MTMR7: variants seen among roughly 807,000 people sequenced by gnomAD.
MTMR7 encodes the protein myotubularin related protein 7.
Under a neutral mutation model 81.2 loss-of-function variants are expected in MTMR7, and 76 were observed. The observed-to-expected ratio is 0.94, with a 90% confidence interval of 0.78 to 1.13. The LOEUF (loss-of-function observed/expected upper bound fraction) is 1.13. Ranked by LOEUF, MTMR7 falls within the 50% of genes most tolerant of loss-of-function variation. MTMR7 has a pLI of 0.00. For synonymous variants in MTMR7, 372 were observed against 289.8 expected, an observed-to-expected ratio of 1.28 and a Z score of -2.88; for missense variants, 1,044 against 820.0, an observed-to-expected ratio of 1.27 and a Z score of -3.34.
At chr8:17,401,280 G>A (rs1821422201) in intron 1 of MTMR7, among the ~76,000 whole-genome samples, 1 of 152,094 alleles carries the variant, frequency 6.6e-6, no homozygotes. Flanking sequence ...AAAAGTGTGG[G>A]AGCAAACCAT....
At chr8:17,379,969 G>C (rs1481535282) in intron 1 of MTMR7, among the ~76,000 whole-genome samples, 1 of 152,156 alleles carries the variant, frequency 6.6e-6, no homozygotes, top group East Asian at 1.9e-4. Flanking sequence ...TGAGGGTTTG[G>C]AGGAGGGGAG....
At chr8:17,321,742 T>C (rs758384328) in intron 7 of MTMR7, among the ~76,000 whole-genome samples, 1 of 152,208 alleles carries the variant, frequency 6.6e-6, no homozygotes, top group Non-Finnish European at 1.5e-5. Context: ...ATCAGAGACA[T>C]ATGCCACAAA....
At chr8:17,329,165 C>T (rs181932262) in intron 7 of MTMR7, among the ~76,000 whole-genome samples, 103 of 152,156 alleles carry the variant, frequency 6.8e-4, no homozygotes, top group Admixed American at 1.2e-3. Flanking sequence ...ACCAAGTGAC[C>T]AGTAGTATGA....
chr8:17,328,324 C>T (rs1186815537), intron 7 of MTMR7, among the ~76,000 whole-genome samples: 2 of 152,186 alleles, frequency 1.3e-5, no homozygotes, highest in Non-Finnish European at 2.9e-5. Context: ...TCCTCCCCAA[C>T]ACCCAGGATG....
intron 3 of MTMR7, among the ~76,000 whole-genome samples, chr8:17,367,872 T>C (rs1000305801): frequency 2.6e-5 from 4 of 151,836 alleles, no homozygotes; most frequent in African/African-American, 9.7e-5. Context: ...TTTGGGGTTT[T>C]TTTTTTTTTT....
chr8:17,375,428 T>C (rs1164296833), intron 1 of MTMR7, among the ~76,000 whole-genome samples: 1 of 152,166 alleles, frequency 6.6e-6, no homozygotes, highest in Non-Finnish European at 1.5e-5. Context: ...TGAAAGTCTA[T>C]GTATGTTAAA....
At chr8:17,326,480 G>C (rs1246201580) in intron 7 of MTMR7, 3 of 152,222 alleles carry the variant, frequency 2.0e-5, no homozygotes, top group Non-Finnish European at 4.4e-5. Flanking sequence ...CTGTGAGCTT[G>C]TCTTACATCA....
intron 6 of MTMR7, among the ~76,000 whole-genome samples, chr8:17,337,390 C>G (rs1010173019): frequency 2.0e-5 from 3 of 150,368 alleles, no homozygotes; most frequent in Admixed American, 1.3e-4. Flanking sequence ...AAGTGCCTGC[C>G]ATTTTTACAA....
At chr8:17,405,056 T>C (rs532385687) in intron 1 of MTMR7, among the ~76,000 whole-genome samples, 18 of 152,378 alleles carry the variant, frequency 1.2e-4, no homozygotes, top group African/African-American at 4.3e-4. Flanking sequence ...TTCACCATGT[T>C]GGCCAGGCTG....
chr8:17,309,218 A>G (rs1586151658), intron 10 of MTMR7, 59 bp downstream of exon 10: 1 of 1,156,622 alleles, frequency 8.6e-7, no homozygotes, highest in Non-Finnish European at 1.3e-6. Context: ...ATTCAATTGA[A>G]ATTTTCAGAA....
chr8:17,381,597 A>G (rs571647527), intron 1 of MTMR7, among the ~76,000 whole-genome samples: 3 of 152,226 alleles, frequency 2.0e-5, no homozygotes, highest in South Asian at 2.1e-4. Flanking sequence ...AAAGGACAGA[A>G]AGCAGTGGCA....
chr8:17,299,611 A>G lies in MTMR7; in HGVS notation c.*251T>C, dbSNP rs113976261. The G allele has an allele frequency of 1.1e-4, 52 of 483,564 alleles. No individual in the cohort carries two copies. The highest frequency in any genetic ancestry group is 8.9e-4 in the African/African-American group (46 of 51,938). 30.0% of individuals were successfully genotyped at this position (483,564 alleles called of 1,614,324 possible). A position where few individuals can be genotyped will look rare whatever the true frequency, so the allele number is the denominator to read the frequency against. ...CAGAAGTAATTGCTCTGCAGTGAAT[A>G]TAATTTTCATAGTCTAGGGTGAGCT... is the stretch of plus-strand genomic sequence containing the variant. On this transcript the variant is annotated 3_prime_UTR_variant, in exon 14 of 14. Transcript: ENST00000180173.
At chr8:17,343,907 C>T (rs1305790709) in intron 5 of MTMR7, among the ~76,000 whole-genome samples, 2 of 152,156 alleles carry the variant, frequency 1.3e-5, no homozygotes, top group Non-Finnish European at 2.9e-5. Flanking sequence ...ATTACTATTA[C>T]TTGGCAGCAT....
chr8:17,375,555 G>A (rs1820560962), intron 1 of MTMR7, among the ~76,000 whole-genome samples: 1 of 151,042 alleles, frequency 6.6e-6, no homozygotes, highest in Admixed American at 6.6e-5. Context: ...ATCCATCATG[G>A]TGTATTTTTT....
intron 3 of MTMR7, among the ~76,000 whole-genome samples, chr8:17,365,719 T>C (rs898175437): frequency 6.6e-6 from 1 of 152,170 alleles, no homozygotes; most frequent in African/African-American, 2.4e-5. Flanking sequence ...TAAAAAACAT[T>C]CAGAAAAAGT....
At chr8:17,404,575 G>C (rs777721748) in intron 1 of MTMR7, among the ~76,000 whole-genome samples, 2 of 151,930 alleles carry the variant, frequency 1.3e-5, no homozygotes, top group Non-Finnish European at 2.9e-5. Flanking sequence ...ATAAATTGAT[G>C]AGAAACCATA....
rs559912115 is a variant in MTMR7, at chr8:17,300,831, C to T, written c.1621-607G>A. Among the ~76,000 whole-genome samples, 4 of 152,202 alleles carry T rather than the reference C, an allele frequency of 2.6e-5. No homozygotes were observed. In the South Asian group the frequency reaches 6.2e-4, roughly 24 times the overall value. Reference sequence around the variant, plus strand: ...TCAACTTCTATCTCTATGGATTTGCCTAGTCTAGATGTTTTATATAAATTG... The same window carrying T: ...TCAACTTCTATCTCTATGGATTTGCTTAGTCTAGATGTTTTATATAAATTG... On this transcript the variant is annotated intron_variant, in intron 13 of 13. Transcript: ENST00000180173.
intron 7 of MTMR7, among the ~76,000 whole-genome samples, chr8:17,316,728 C>T (rs4921539): frequency 0.25 from 37,464 of 151,930 alleles, 4,942 homozygotes; most frequent in African/African-American, 0.32. Context: ...TACACAGCAC[C>T]TACATTGTAT....
intron 10 of MTMR7, 84 bp downstream of exon 10, chr8:17,309,193 G>A (rs1724764221): frequency 3.2e-6 from 3 of 943,514 alleles, no homozygotes; most frequent in African/African-American, 1.7e-5. Flanking sequence ...AAAACAAGAC[G>A]ATTTTCCCCT....
Sources: gnomAD v4.1 joint callset for allele counts (sites outside exome capture counted in the v4.1 genomes callset) on GRCh38, gnomAD v4.1.1 for gene constraint, MANE v1.5 for transcripts, NCBI Gene and HGNC (gene_info 2026-07-23, HGNC 2026-07-21) for gene names.